The following OPRM1 variants were observed in gnomAD, a reference collection of about 807,000 sequenced individuals.
OPRM1 encodes opioid receptor mu 1, also known as mu-type opioid receptor.
Under a neutral mutation model 31.8 loss-of-function variants are expected in OPRM1, and 27 were observed. That is an observed-to-expected ratio of 0.85 (90% CI 0.63 to 1.17). OPRM1 has a LOEUF of 1.17. Among genes scored for constraint, OPRM1 ranks in the 50% most tolerant of loss-of-function variants. The pLI is 0.00. For missense variants in OPRM1, 536 were observed against 511.1 expected, an observed-to-expected ratio of 1.05 and a Z score of -0.47; for synonymous variants, 196 against 189.9, an observed-to-expected ratio of 1.03 and a Z score of -0.26.
rs1216227002 is a variant in OPRM1 at position 154,131,710 on chromosome 6, A to T, written c.*12989A>T. ...TGAAAACACAATCACCTTTCAAAAC[A>T]TGGTATGAAATCCACAGTTGTAACA... On this transcript the variant is annotated 3_prime_UTR_variant, in exon 4 of 4. Transcript: ENST00000330432. 1.3e-5 allele frequency among the ~76,000 whole-genome samples: 2 copies of T among 152,176 alleles called. No individual in the cohort carries two copies. The highest frequency in any genetic ancestry group is 2.1e-4 in the South Asian group (1 of 4,828).
intron 3 of OPRM1, among the ~76,000 whole-genome samples, chr6:154,221,597 G>C (rs1247027453): frequency 6.6e-6 from 1 of 152,186 alleles, no homozygotes; most frequent in African/African-American, 2.4e-5. Context: ...GGTATGGCCG[G>C]GCACGGTGGC....
At chr6:154,232,394 G>A (rs111438527) in intron 3 of OPRM1, among the ~76,000 whole-genome samples, 2,241 of 152,186 alleles carry the variant, frequency 0.015, 48 homozygotes, top group African/African-American at 0.05. Flanking sequence ...TTTATTGAGC[G>A]CTAAGCATAT....
At chr6:154,205,073 C>A (rs1365061793) in intron 3 of OPRM1, among the ~76,000 whole-genome samples, 1 of 152,190 alleles carries the variant, frequency 6.6e-6, no homozygotes, top group Non-Finnish European at 1.5e-5. Context: ...ACAGGGTCTT[C>A]CATGACAGAG....
chr6:154,179,379 T>C (rs1285481275), intron 3 of OPRM1, among the ~76,000 whole-genome samples: 1 of 152,196 alleles, frequency 6.6e-6, no homozygotes, highest in African/African-American at 2.4e-5. Context: ...AATTTCATAG[T>C]AGAAAACACT....
At chr6:154,033,300 GA>G (rs1247679515) in intron 1 of OPRM1, among the ~76,000 whole-genome samples, 2 of 152,278 alleles carry the variant, frequency 1.3e-5, no homozygotes, top group Non-Finnish European at 2.9e-5. Context: ...AGGAGAAAGG[GA>G]AGCTGTGAAA....
intron 3 of OPRM1, chr6:154,093,604 A>G: frequency 4.3e-6 from 6 of 1,383,076 alleles, no homozygotes; most frequent in Non-Finnish European, 5.8e-6. Context: ...TTAAAAATAC[A>G]TCCAATTAGG....
At chr6:154,105,148 A>G (rs1411228680) in intron 3 of OPRM1, among the ~76,000 whole-genome samples, 1 of 152,238 alleles carries the variant, frequency 6.6e-6, no homozygotes, top group Non-Finnish European at 1.5e-5. Context: ...TATTATGCCT[A>G]TGCAAATAAC....
rs1034595249 is a variant in OPRM1 at position 154,129,450 on chromosome 6, G to GA, written c.*10731dup. Among the ~76,000 whole-genome samples, 4 of 152,108 alleles carry GA rather than the reference G, an allele frequency of 2.6e-5. No homozygotes were observed. Among genetic ancestry groups the GA allele is most frequent in the Non-Finnish European group, 5.9e-5 (4 of 68,038 alleles). On this transcript the variant is annotated 3_prime_UTR_variant, in exon 4 of 4. Transcript: ENST00000330432. The stretch of plus-strand genomic sequence containing the variant: ...GTTTTACTTCCTTGTTGTTTTTACT[G>GA]AATATGAAACAATATAAAACAATGT...
chr6:154,095,632 A>G (rs1161839000), intron 3 of OPRM1, among the ~76,000 whole-genome samples: 1 of 152,172 alleles, frequency 6.6e-6, no homozygotes, highest in African/African-American at 2.4e-5. Context: ...GGAGACCAAG[A>G]GATTGATTCA....
chr6:154,079,569 TA>T (rs910000248), intron 1 of OPRM1, among the ~76,000 whole-genome samples: 1 of 152,104 alleles, frequency 6.6e-6, no homozygotes, highest in African/African-American at 2.4e-5. Flanking sequence ...AAGAAGACGA[TA>T]GAAAATCACA....
intron 1 of OPRM1, among the ~76,000 whole-genome samples, chr6:154,017,897 A>T (rs912128410): frequency 6.6e-6 from 1 of 152,158 alleles, no homozygotes; most frequent in Non-Finnish European, 1.5e-5. Flanking sequence ...TACCCACTCA[A>T]ACCACCTAGT....
In OPRM1 at chr6:154,100,283, A is replaced by C. The variant is rs545699215; in HGVS notation, c.1164+8811A>C. Among the ~76,000 whole-genome samples, 6 of 149,676 alleles carry C rather than the reference A, an allele frequency of 4.0e-5. No homozygotes were observed. The East Asian group carries it at 7.8e-4, about 19-fold the overall frequency. On this transcript the variant is annotated intron_variant, in intron 3 of 3. Coordinates refer to ENST00000330432, the MANE Select transcript of OPRM1 (RefSeq NM_000914.5). ...AATATATATTATCATATTATGACAT[A>C]TATCATAATATATATCAAAAAGTCA...
At chr6:154,222,998 T>C (rs2128618260) in intron 3 of OPRM1, 1 of 614,896 alleles carries the variant, frequency 1.6e-6, no homozygotes, top group East Asian at 2.8e-5. Context: ...TTCCAGAAAA[T>C]GAGAGGTTAA....
intron 3 of OPRM1, among the ~76,000 whole-genome samples, chr6:154,102,933 A>C (rs985081679): frequency 2.6e-4 from 39 of 150,378 alleles, no homozygotes; most frequent in Non-Finnish European, 4.0e-4. Context: ...AAAAAAAAAA[A>C]AAACACTCCA....
intron 3 of OPRM1, among the ~76,000 whole-genome samples, chr6:154,188,494 G>A (rs1801580332): frequency 6.6e-6 from 1 of 152,208 alleles, no homozygotes; most frequent in South Asian, 2.1e-4. Flanking sequence ...GTGTATGCAC[G>A]CATGTGCATG....
chr6:154,181,736 C>A (rs571179932), intron 3 of OPRM1, among the ~76,000 whole-genome samples: 1 of 152,066 alleles, frequency 6.6e-6, no homozygotes, highest in African/African-American at 2.4e-5. Context: ...CCGCAGGGCA[C>A]GAGACCTGAG....
At chr6:154,156,490 G>A (rs926403435) in intron 3 of OPRM1, 3 of 152,246 alleles carry the variant, frequency 2.0e-5, no homozygotes, top group African/African-American at 4.8e-5. Context: ...TGGGGGCTCC[G>A]GGCCAGGCAC....
chr6:154,211,729 C>T (rs1203936034), intron 3 of OPRM1, among the ~76,000 whole-genome samples: 1 of 152,154 alleles, frequency 6.6e-6, no homozygotes, highest in African/African-American at 2.4e-5. Context: ...GACATTTGTT[C>T]ACTTTTAATA....
intron 3 of OPRM1, among the ~76,000 whole-genome samples, chr6:154,152,202 AAAGAAAGAAGG>A (rs1798519531): frequency 6.7e-6 from 1 of 148,564 alleles, no homozygotes; most frequent in African/African-American, 2.6e-5. Context: ...AGAGAGAGAG[AAAGAAAGAAGG>A]AAGAAAGAAC....
Sources: allele counts gnomAD v4.1 joint callset (sites outside exome capture counted in the v4.1 genomes callset), GRCh38; gene constraint gnomAD v4.1.1; transcripts MANE v1.5; gene names NCBI Gene and HGNC (gene_info 2026-07-23, HGNC 2026-07-21).